Variants in PCDHGB6 observed in about 807,000 individuals in gnomAD.
The protein encoded by PCDHGB6 is protocadherin gamma-B6.
In PCDHGB6, 51 loss-of-function variants were observed where a neutral mutation model predicts 59.1. The ratio of observed to expected loss-of-function variants is 0.86; its 90% CI spans 0.69 to 1.09. The LOEUF is 1.09. Among genes scored for constraint, PCDHGB6 ranks in the 50% least tolerant of loss-of-function variants. PCDHGB6 has a pLI of 0.00. For synonymous variants in PCDHGB6, 466 were observed against 495.1 expected (o/e 0.94, Z 0.78); for missense variants, 1,148 against 1,205.1 (o/e 0.95, Z 0.70).
chr5:141,449,693 G>A (rs2098652097), intron 1 of PCDHGB6, among the ~76,000 whole-genome samples: 1 of 150,164 alleles, frequency 6.7e-6, no homozygotes, highest in South Asian at 2.1e-4. Flanking sequence ...TTGTGTGTAT[G>A]TACACAAACA....
At chr5:141,462,474 C>T (rs2099040477) in intron 1 of PCDHGB6, among the ~76,000 whole-genome samples, 1 of 151,994 alleles carries the variant, frequency 6.6e-6, no homozygotes, top group South Asian at 2.1e-4. Flanking sequence ...TATTCTGCTT[C>T]TCGTGGTTGT....
In PCDHGB6 at chr5:141,487,268, G is replaced by A; in HGVS notation, c.2419-7539G>A. ...CCTCTACTTGGCTGTGTCCCTAGTG[G>A]CAATTTGCTTTGTCTCCTTTGGCTC... On this transcript the variant is annotated intron_variant, in intron 1 of 3. Transcript: ENST00000520790. This position sits in a 1 kb window ranked among gnomAD's most constrained non-coding sequence, Gnocchi z 5.0. 4 of 1,614,100 alleles carry A rather than the reference G, an allele frequency of 2.5e-6. No homozygotes were observed. The South Asian group carries it at 4.4e-5, about 18-fold the overall frequency.
At position 141,489,651 on chromosome 5, in the gene PCDHGB6, G is replaced by A; in HGVS notation, c.2419-5156G>A. 6.2e-7 allele frequency: 1 copy of A among 1,614,186 alleles called. No individual in the cohort carries two copies. Among genetic ancestry groups the A allele is most frequent in the Non-Finnish European group, 8.5e-7 (1 of 1,180,032 alleles). ...ACTCTCCTAGCTTTGCCACCCCTGA[G>A]CGAGAGATGCGCATCTCAGAATCAG... On this transcript the variant is annotated intron_variant, in intron 1 of 3. Coordinates refer to ENST00000520790, the MANE Select transcript of PCDHGB6 (RefSeq NM_018926.3). The surrounding 1 kb of genome is among the most constrained non-coding windows in gnomAD (Gnocchi z 4.5).
At position 141,409,239 on chromosome 5, in the gene PCDHGB6, A is replaced by C. The variant is rs1330242516; in HGVS notation, c.1037A>C (p.Glu346Ala). The C allele has an allele frequency of 5.0e-6, 8 of 1,613,920 alleles. No individual in the cohort carries two copies. In the Admixed American group the frequency reaches 1.3e-4, roughly 27 times the overall value. Residue 346 changes from glutamate (E) to alanine (A), a missense_variant, in exon 1 of 4, where the codon GAA (glutamate) becomes GCA (alanine). Glu to Ala is a moderately radical substitution (Grantham distance 107). Transcript: ENST00000520790. ...CTTGATGAAAACGACAACAGCCCAG[A>C]AATAATCATCACTTCTCTCTCTGAT... is the stretch of plus-strand genomic sequence containing the variant. ...EILDENDNSP[E>A]IIITSLSDQI...
intron 1 of PCDHGB6, among the ~76,000 whole-genome samples, chr5:141,469,716 A>G (rs1189597018): frequency 3.9e-5 from 6 of 152,260 alleles, no homozygotes; most frequent in African/African-American, 1.4e-4. Context: ...CACTATTAGG[A>G]ATTTATCATA....
rs367919924 is a variant in PCDHGB6, at chr5:141,487,711, T to A, written c.2419-7096T>A. The A allele has an allele frequency of 1.1e-5, 18 of 1,586,144 alleles. No individual in the cohort carries two copies. In the African/African-American group the frequency reaches 2.1e-4, roughly 19 times the overall value. On this transcript the variant is annotated intron_variant, in intron 1 of 3. Transcript: ENST00000520790. The surrounding 1 kb of genome is among the most constrained non-coding windows in gnomAD (Gnocchi z 5.0). ...TAGAGAGTACTGGCCTCTCAGTAAG[T>A]GCCCATAGTGATGTCACCATTTTTG...
intron 2 of PCDHGB6, among the ~76,000 whole-genome samples, chr5:141,500,112 C>G (rs2099796438): frequency 6.8e-6 from 1 of 147,138 alleles, no homozygotes; most frequent in Non-Finnish European, 1.5e-5. Context: ...TGTTGAATCC[C>G]TGCCTTTTCA....
intron 3 of PCDHGB6, among the ~76,000 whole-genome samples, chr5:141,509,015 C>T (rs1370464396): frequency 6.6e-6 from 1 of 152,098 alleles, no homozygotes; most frequent in East Asian, 1.9e-4. Flanking sequence ...AAGTGGGCAG[C>T]TGCTCCCTCC....
chr5:141,466,297 A>G (rs1206472131), intron 1 of PCDHGB6, among the ~76,000 whole-genome samples: 3 of 152,146 alleles, frequency 2.0e-5, no homozygotes, highest in East Asian at 1.9e-4. Flanking sequence ...CAGGCTCCCA[A>G]GTAGCTGGGA....
chr5:141,506,847 T>C lies in PCDHGB6; in HGVS notation c.2566+1366T>C, dbSNP rs146737657. ...GAACTGATAGCCCTGCCCTCCAGCA[T>C]GTCTGGAGGACTGGTGGGTAGAGAA... On this transcript the variant is annotated intron_variant, in intron 3 of 3. Coordinates refer to ENST00000520790, the MANE Select transcript of PCDHGB6 (RefSeq NM_018926.3). 3.7e-3 allele frequency among the ~76,000 whole-genome samples: 564 copies of C among 152,318 alleles called. 5 individuals are homozygous for C. Among genetic ancestry groups the C allele is most frequent in the Admixed American group, 0.011 (164 of 15,302 alleles).
rs2154576188 is a variant in PCDHGB6 at position 141,477,933 on chromosome 5, T to C, written c.2419-16874T>C. ...GCGGATGCAGGGCACAATGCCTGGCTCTCCTACAGTCTCTTGGGATCCCCT... is the reference window on the plus strand; with the variant it reads ...GCGGATGCAGGGCACAATGCCTGGCCCTCCTACAGTCTCTTGGGATCCCCT... On this transcript the variant is annotated intron_variant, in intron 1 of 3. Coordinates refer to ENST00000520790, the MANE Select transcript of PCDHGB6 (RefSeq NM_018926.3). The surrounding 1 kb of genome is among the most constrained non-coding windows in gnomAD (Gnocchi z 4.9). 1.2e-6 allele frequency: 2 copies of C among 1,614,112 alleles called. No homozygotes were observed. Among genetic ancestry groups the C allele is most frequent in the Non-Finnish European group, 1.7e-6 (2 of 1,180,022 alleles).
chr5:141,446,398 G>A (rs1379233102), intron 1 of PCDHGB6, among the ~76,000 whole-genome samples: 2 of 152,128 alleles, frequency 1.3e-5, no homozygotes, highest in African/African-American at 2.4e-5. Context: ...AAGAGAAATC[G>A]AGTTGAGTTC....
In PCDHGB6 at chr5:141,485,576, C is replaced by T. The variant is rs1347032247; in HGVS notation, c.2419-9231C>T. ...GAATGATCACGCCCCCCGTTTTCCG[C>T]GGCAGCAGCTGGACTTGGAAATTGG... On this transcript the variant is annotated intron_variant, in intron 1 of 3. Transcript: ENST00000520790. The surrounding 1 kb of genome is among the most constrained non-coding windows in gnomAD (Gnocchi z 5.7). 21 of 1,612,296 alleles carry T rather than the reference C, an allele frequency of 1.3e-5. 1 individual carries two copies. Among genetic ancestry groups the T allele is most frequent in the Non-Finnish European group, 1.8e-5 (21 of 1,178,636 alleles).
intron 1 of PCDHGB6, among the ~76,000 whole-genome samples, chr5:141,453,217 G>A (rs770914741): frequency 1.2e-4 from 19 of 152,100 alleles, no homozygotes; most frequent in Admixed American, 1.0e-3. Context: ...GCACTTAAGC[G>A]ATCCTCCCAC....
At chr5:141,505,567 T>A in intron 3 of PCDHGB6, 86 bp downstream of exon 3, 2 of 1,599,440 alleles carry the variant, frequency 1.3e-6, no homozygotes, top group Non-Finnish European at 1.7e-6. Context: ...ACGGACTGGA[T>A]GTCAAACCTG....
chr5:141,443,788 A>C (rs1468852602), intron 1 of PCDHGB6, among the ~76,000 whole-genome samples: 2 of 152,224 alleles, frequency 1.3e-5, no homozygotes, highest in African/African-American at 4.8e-5. Context: ...AGACAAAAAA[A>C]ATGAAAAGGA....
At chr5:141,421,435 A>G (rs775839500) in intron 1 of PCDHGB6, 3 of 1,614,108 alleles carry the variant, frequency 1.9e-6, no homozygotes, top group East Asian at 4.5e-5. Context: ...CATCGTCTCC[A>G]GAGGGAAGAC....
At chr5:141,451,288 C>G (rs1308574266) in intron 1 of PCDHGB6, among the ~76,000 whole-genome samples, 3 of 152,200 alleles carry the variant, frequency 2.0e-5, no homozygotes, top group Non-Finnish European at 4.4e-5. Context: ...GCCTCTGCCT[C>G]AAAGTCTTAC....
At chr5:141,423,148 C>G (rs2096714622) in intron 1 of PCDHGB6, 1 of 1,613,404 alleles carries the variant, frequency 6.2e-7, no homozygotes, top group African/African-American at 1.3e-5. Flanking sequence ...CGCGCTCAAG[C>G]AGAGCCTCGT....
Sources: allele counts gnomAD v4.1 joint callset (sites outside exome capture counted in the v4.1 genomes callset), GRCh38; gene constraint gnomAD v4.1.1; non-coding constraint Gnocchi (gnomAD v3.1); transcripts MANE v1.5; gene names NCBI Gene and HGNC (gene_info 2026-07-23, HGNC 2026-07-21).